The following TXNDC5 variants were observed in gnomAD, a reference collection of about 807,000 sequenced individuals.
TXNDC5 encodes the protein thioredoxin domain-containing protein 5.
A neutral mutation model predicts 52.6 loss-of-function variants in TXNDC5; 44 were observed. The observed-to-expected ratio is 0.84, with a 90% CI of 0.66 to 1.08. The LOEUF (loss-of-function observed/expected upper bound fraction) is 1.08. Ranked by LOEUF, TXNDC5 falls within the 50% of genes least tolerant of loss-of-function variation. The pLI, the probability that TXNDC5 is intolerant of heterozygous loss-of-function variation, is 0.00. For synonymous variants in TXNDC5, 241 were observed against 234.4 expected (o/e 1.03, Z -0.26); for missense variants, 600 against 565.5 (o/e 1.06, Z -0.62).
intron 7 of TXNDC5, 82 bp downstream of exon 7, chr6:7,888,623 G>A: frequency 6.7e-7 from 1 of 1,503,230 alleles, no homozygotes; most frequent in East Asian, 2.3e-5. Flanking sequence ...CAAAGCATTT[G>A]AGGAGGCCTC....
At chr6:7,908,849 A>C (rs551343841) in intron 1 of TXNDC5, among the ~76,000 whole-genome samples, 1 of 152,288 alleles carries the variant, frequency 6.6e-6, no homozygotes, top group East Asian at 1.9e-4. Flanking sequence ...AAAATAAATA[A>C]ATAATGAAGA....
In TXNDC5 at chr6:7,883,269, TAAAACAA is replaced by T. The variant is rs762863877; in HGVS notation, c.1177-10_1177-4del. ...AATAACGTGGGGTAGCCTCGTACCT[TAAAACAA>T]AAAAGAAAAAAGTTTGCAAACCAGC... On this transcript the variant is annotated splice_polypyrimidine_tract_variant and splice_region_variant and intron_variant, in intron 9 of 9. Coordinates refer to ENST00000379757, the MANE Select transcript of TXNDC5 (RefSeq NM_030810.5). The T allele has an allele frequency of 2.5e-6, 4 of 1,613,826 alleles. No individual in the cohort carries two copies. The highest frequency in any genetic ancestry group is 1.3e-5 in the African/African-American group (1 of 74,986).
intron 1 of TXNDC5, 144 bp downstream of exon 1, chr6:7,910,370 A>G: frequency 1.0e-6 from 1 of 974,938 alleles, no homozygotes; most frequent in Non-Finnish European, 1.3e-6. Context: ...CTGAGCCCCG[A>G]GCCCCGCGCC....
At chr6:7,900,727 A>T (rs544397713) in intron 2 of TXNDC5, among the ~76,000 whole-genome samples, 4 of 152,276 alleles carry the variant, frequency 2.6e-5, no homozygotes, top group Admixed American at 6.5e-5. Context: ...CAGCAGAGTC[A>T]GTGTCTGGTG....
chr6:7,895,335 T>C (rs922999171), intron 3 of TXNDC5, 133 bp from the exon 4 acceptor site: 1 of 743,562 alleles, frequency 1.3e-6, no homozygotes, highest in Non-Finnish European at 2.2e-6. Context: ...CCTTGTACGA[T>C]GCTGCTGTGC....
chr6:7,898,285 A>G (rs912289732), intron 3 of TXNDC5, among the ~76,000 whole-genome samples: 1 of 152,076 alleles, frequency 6.6e-6, no homozygotes, highest in African/African-American at 2.4e-5. Context: ...TGAACTCTTG[A>G]CCTTGGGTGA....
chr6:7,908,281 C>CAAAAAAAAAAAAAAA, intron 1 of TXNDC5, among the ~76,000 whole-genome samples: 1 of 62,768 alleles, frequency 1.6e-5, no homozygotes, highest in Non-Finnish European at 3.2e-5. Context: ...GACTCCATCT[C>CAAAAAAAAAAAAAAA]AAAAAAAAAA....
chr6:7,888,944 C>G (rs944897969), intron 6 of TXNDC5, 96 bp from the exon 7 acceptor site: 2 of 1,465,460 alleles, frequency 1.4e-6, no homozygotes, highest in Admixed American at 4.5e-5. Context: ...GGTCAGAGCT[C>G]CCAGATGTCT....
Position 7,910,675 on chromosome 6 carries a change from C to A in TXNDC5, c.102G>T (p.Trp34Cys). ...LLLGHGGGGR[W>C]GARAQEAAAA... ...CCGCCGCCTCCTGGGCCCGGGCGCCCCAGCGCCCGCCGCCGCCATGGCCCA... is the reference window on the plus strand; with the variant it reads ...CCGCCGCCTCCTGGGCCCGGGCGCCACAGCGCCCGCCGCCGCCATGGCCCA... Residue 34 changes from tryptophan to cysteine, a missense_variant, in exon 1 of 10, where the codon TGG becomes TGT. Transcript: ENST00000379757. 1 of 1,133,364 alleles carries A rather than the reference C, an allele frequency of 8.8e-7. No individual in the cohort carries two copies. The highest frequency in any genetic ancestry group is 1.1e-6 in the Non-Finnish European group (1 of 924,572). The allele number at this position is 1,133,364 out of a possible 1,614,324, so 70.2% of individuals were successfully genotyped here.
intron 8 of TXNDC5, among the ~76,000 whole-genome samples, 169 bp from the exon 9 acceptor site, chr6:7,884,657 C>T (rs1017411785): frequency 1.3e-5 from 2 of 152,336 alleles, no homozygotes; most frequent in South Asian, 4.1e-4. Context: ...TCTTCCTCCT[C>T]CTATCCCAAA....
intron 9 of TXNDC5, among the ~76,000 whole-genome samples, chr6:7,883,764 T>TG (rs1210255317): frequency 2.6e-5 from 4 of 152,130 alleles, no homozygotes; most frequent in African/African-American, 9.7e-5. Flanking sequence ...AAACTATGTC[T>TG]GGGTTACGTC....
chr6:7,897,419 T>C (rs574084188), intron 3 of TXNDC5, among the ~76,000 whole-genome samples: 165 of 152,356 alleles, frequency 1.1e-3, no homozygotes, highest in Non-Finnish European at 1.6e-3. Flanking sequence ...TTTTAAAGTT[T>C]TCACTTAAAA....
At chr6:7,896,151 G>T (rs1263119618) in intron 3 of TXNDC5, among the ~76,000 whole-genome samples, 1 of 152,188 alleles carries the variant, frequency 6.6e-6, no homozygotes, top group African/African-American at 2.4e-5. Flanking sequence ...AGAAAAGGAG[G>T]TGATGAGAAG....
intron 1 of TXNDC5, among the ~76,000 whole-genome samples, chr6:7,906,549 A>G (rs199576616): frequency 2.0e-5 from 3 of 150,178 alleles, no homozygotes; most frequent in Non-Finnish European, 3.0e-5. Flanking sequence ...AAAAAAAAAA[A>G]AAAAAAAAGA....
At chr6:7,889,022 G>A (rs1434927847) in intron 6 of TXNDC5, 174 bp from the exon 7 acceptor site, 25 of 804,168 alleles carry the variant, frequency 3.1e-5, no homozygotes, top group Non-Finnish European at 4.2e-5. Flanking sequence ...TGAATGCCTC[G>A]GCTTTGGTGA....
At chr6:7,908,518 TAAA>T (rs10708121) in intron 1 of TXNDC5, among the ~76,000 whole-genome samples, 3 of 144,500 alleles carry the variant, frequency 2.1e-5, no homozygotes, top group Non-Finnish European at 3.0e-5. Context: ...AGTTTTTCTT[TAAA>T]AAAAAAAAAA....
intron 1 of TXNDC5, among the ~76,000 whole-genome samples, chr6:7,906,552 AAAAAAG>A (rs1554129850): frequency 4.0e-5 from 6 of 150,454 alleles, no homozygotes; most frequent in South Asian, 2.1e-4. Flanking sequence ...AAAAAAAAAA[AAAAAAG>A]AAAAACAGAC....
Position 7,904,651 on chromosome 6 carries a change from G to C in TXNDC5, c.336C>G (p.Ala112=). Residue 112 remains alanine (A), a synonymous_variant, in exon 2 of 10, where the codon GCC becomes GCG. Coordinates refer to ENST00000379757, the MANE Select transcript of TXNDC5 (RefSeq NM_030810.5). ...AGTCCACTTTAGCCACATAGACTTT[G>C]GCATCTTCCATGCTGTTGTATTTGT... The part of the protein sequence containing the change: ...LGDKYNSMED[A]KVYVAKVDCT... 1.2e-6 allele frequency: 2 copies of C among 1,614,176 alleles called. No individual in the cohort carries two copies. The highest frequency in any genetic ancestry group is 1.7e-5 in the Admixed American group (1 of 60,022).
At chr6:7,893,095 G>C (rs181586390) in intron 4 of TXNDC5, among the ~76,000 whole-genome samples, 1 of 152,108 alleles carries the variant, frequency 6.6e-6, no homozygotes, top group South Asian at 2.1e-4. Context: ...CCTTGGCTAC[G>C]GGGAAAAAAA....
Sources: allele counts gnomAD v4.1 joint callset (sites outside exome capture counted in the v4.1 genomes callset), GRCh38; gene constraint gnomAD v4.1.1; transcripts MANE v1.5; gene names NCBI Gene and HGNC (gene_info 2026-07-23, HGNC 2026-07-21).